Variants in MYO16 observed in about 807,000 individuals in gnomAD.
MYO16 encodes unconventional myosin-XVI.
MYO16 carries 94 observed loss-of-function variants against 205.3 expected under a neutral mutation model. That is an observed-to-expected ratio of 0.46 (90% confidence interval 0.39 to 0.54). The LOEUF (loss-of-function observed/expected upper bound fraction) is 0.54, where lower values mean the gene tolerates loss of function less well. Among genes scored for constraint, MYO16 ranks in the 20% least tolerant of loss-of-function variants. The pLI is 0.00. For missense variants in MYO16, 2,315 were observed against 2,387.5 expected (o/e 0.97, Z 0.63); for synonymous variants, 988 against 954.0 (o/e 1.04, Z -0.66).
chr13:108,868,950 T>C (rs999907824), intron 12 of MYO16, among the ~76,000 whole-genome samples: 1 of 151,812 alleles, frequency 6.6e-6, no homozygotes, highest in Non-Finnish European at 1.5e-5. Context: ...CTCTGGGACA[T>C]TATGTTGGCA....
chr13:108,529,679 T>TA, the MYO16 span, among the ~76,000 whole-genome samples: 2 of 152,204 alleles, frequency 1.3e-5, no homozygotes, highest in African/African-American at 4.8e-5. Flanking sequence ...CAGGGTAAGT[T>TA]ACAATGATCT....
intron 27 of MYO16, among the ~76,000 whole-genome samples, chr13:109,060,987 G>T (rs1266535417): frequency 6.6e-6 from 1 of 152,142 alleles, no homozygotes; most frequent in Non-Finnish European, 1.5e-5. Context: ...TAGATAACTT[G>T]CTGCAGCTTT....
At chr13:109,047,880 G>GT (rs1371631065) in intron 24 of MYO16, among the ~76,000 whole-genome samples, 3 of 151,930 alleles carry the variant, frequency 2.0e-5, no homozygotes. Context: ...GTAATACACT[G>GT]TTTTTCACTG....
chr13:108,887,196 T>C (rs574628103), intron 13 of MYO16, among the ~76,000 whole-genome samples: 2 of 152,284 alleles, frequency 1.3e-5, no homozygotes, highest in South Asian at 4.1e-4. Context: ...TAATATTAAC[T>C]TAATACCTCA....
At chr13:109,068,095 C>A (rs941583109) in intron 27 of MYO16, among the ~76,000 whole-genome samples, 1 of 152,090 alleles carries the variant, frequency 6.6e-6, no homozygotes, top group Non-Finnish European at 1.5e-5. Context: ...CTATTTGCAA[C>A]CCTAATTCAA....
At chr13:108,677,354 TGC>T (rs71883439) in intron 2 of MYO16, among the ~76,000 whole-genome samples, 2,316 of 88,542 alleles carry the variant, frequency 0.026, 54 homozygotes, top group African/African-American at 0.088. Flanking sequence ...TATATATATA[TGC>T]ATATATATAT....
chr13:109,204,901 G>A (rs1880537346), intron 34 of MYO16, among the ~76,000 whole-genome samples: 1 of 152,136 alleles, frequency 6.6e-6, no homozygotes, highest in Non-Finnish European at 1.5e-5. Context: ...TGTAGCCAAA[G>A]TGTTCACTAA....
chr13:109,013,197 A>G (rs1367071673), intron 22 of MYO16, among the ~76,000 whole-genome samples: 1 of 143,788 alleles, frequency 7.0e-6, no homozygotes, highest in African/African-American at 2.6e-5. Flanking sequence ...GTTCCCACCT[A>G]TGAGTGAGAA....
At chr13:108,751,061 T>TCACACACACACACACACA (rs35604385) in intron 4 of MYO16, among the ~76,000 whole-genome samples, 1 of 149,856 alleles carries the variant, frequency 6.7e-6, no homozygotes, top group Non-Finnish European at 1.5e-5. Context: ...ATATGTGTGT[T>TCACACACACACACACACA]CACACACACA....
In MYO16 at chr13:108,869,731, TAAAAAAAAAAAA is replaced by T. The variant is rs68025820; in HGVS notation, c.1425+3507_1425+3518del. Among the ~76,000 whole-genome samples the T allele has an allele frequency of 7.0e-4, 47 of 67,024 alleles. 1 individual carries two copies. Among genetic ancestry groups the T allele is most frequent in the East Asian group, 3.4e-3 (12 of 3,514 alleles). The allele number at this position is 67,024 out of a possible 152,430, so 44.0% of individuals were successfully genotyped here. On this transcript the variant is annotated intron_variant, in intron 12 of 34. Coordinates refer to ENST00000457511, the MANE Select transcript of MYO16 (RefSeq NM_001198950.3). ...GGGCGACAGAGCGAGACTCCGTTTC[TAAAAAAAAAAAA>T]AAAAAAAAAAAAAAAAAGAAACCAC...
At position 108,916,614 on chromosome 13, in the gene MYO16, C is replaced by T. The variant is rs1177293830; in HGVS notation, c.1925+6464C>T. On this transcript the variant is annotated intron_variant, in intron 16 of 34. Coordinates refer to ENST00000457511, the MANE Select transcript of MYO16 (RefSeq NM_001198950.3). ...AGGTCTTTATTTTAATCTAGAAGAT[C>T]ATAAAAATTTTAGAACTAACAGAGC... Among the ~76,000 whole-genome samples, 5 of 152,246 alleles carry T rather than the reference C, an allele frequency of 3.3e-5. No individual in the cohort carries two copies. The South Asian group carries it at 8.3e-4, about 25-fold the overall frequency.
chr13:109,110,715 G>A (rs533618861), intron 28 of MYO16, among the ~76,000 whole-genome samples: 3 of 152,348 alleles, frequency 2.0e-5, no homozygotes, highest in South Asian at 2.1e-4. Context: ...CCATGAAAAT[G>A]TAGAGTGTGG....
the MYO16 span, among the ~76,000 whole-genome samples, chr13:108,570,710 G>A: frequency 2.6e-4 from 39 of 152,336 alleles, no homozygotes; most frequent in Admixed American, 5.2e-4. Context: ...TTCTAAGATA[G>A]TAATTCAGGA....
At chr13:108,963,223 C>CT (rs2139370680) in intron 19 of MYO16, among the ~76,000 whole-genome samples, 1 of 152,312 alleles carries the variant, frequency 6.6e-6, no homozygotes, top group South Asian at 2.1e-4. Flanking sequence ...TTCATCTAAT[C>CT]TTTTTTCTCT....
At chr13:108,866,080 T>G (rs1043978549) in intron 11 of MYO16, 97 bp from the exon 12 acceptor site, 1 of 770,756 alleles carries the variant, frequency 1.3e-6, no homozygotes, top group Non-Finnish European at 1.9e-6. Flanking sequence ...TTCTTATTAT[T>G]TATATTTCAT....
intron 23 of MYO16, among the ~76,000 whole-genome samples, chr13:109,027,278 A>G (rs941497614): frequency 2.0e-5 from 3 of 152,124 alleles, no homozygotes; most frequent in Non-Finnish European, 4.4e-5. Flanking sequence ...TCTCACAAAG[A>G]TTTAATCCAG....
intron 27 of MYO16, among the ~76,000 whole-genome samples, chr13:109,074,558 G>A (rs552266090): frequency 5.1e-4 from 77 of 152,270 alleles, no homozygotes; most frequent in African/African-American, 1.7e-3. Context: ...CACGAGAACA[G>A]CATGGGGGAA....
At chr13:109,197,529 T>C (rs894285392) in intron 34 of MYO16, among the ~76,000 whole-genome samples, 2 of 152,166 alleles carry the variant, frequency 1.3e-5, no homozygotes, top group Non-Finnish European at 2.9e-5. Flanking sequence ...CTGGATACTT[T>C]GTGCTGGGTA....
At chr13:108,821,361 T>C (rs1485593903) in intron 8 of MYO16, among the ~76,000 whole-genome samples, 1 of 152,196 alleles carries the variant, frequency 6.6e-6, no homozygotes, top group African/African-American at 2.4e-5. Flanking sequence ...AAACTGAATA[T>C]TTACCAAACA....
Sources: gnomAD v4.1 joint callset for allele counts (sites outside exome capture counted in the v4.1 genomes callset) on GRCh38, gnomAD v4.1.1 for gene constraint, MANE v1.5 for transcripts, NCBI Gene and HGNC (gene_info 2026-07-23, HGNC 2026-07-21) for gene names.